GPR89A: variants seen among roughly 807,000 people sequenced by gnomAD.
GPR89A encodes golgi pH regulator A, also known as G protein-coupled receptor 89A.
In GPR89A, 16 loss-of-function variants were observed where a neutral mutation model predicts 52.0. The ratio of observed to expected loss-of-function variants is 0.31; its 90% CI spans 0.21 to 0.47. The LOEUF is 0.47. Among genes scored for constraint, GPR89A ranks in the 20% least tolerant of loss-of-function variants. The pLI, the probability that GPR89A is intolerant of heterozygous loss-of-function variation, is 1.00. For missense variants in GPR89A, 135 were observed against 449.4 expected (o/e 0.30, Z 6.33); for synonymous variants, 55 against 150.9 (o/e 0.36, Z 4.66).
chr1:145,664,419 C>T (rs782412663), intron 11 of GPR89A, among the ~76,000 whole-genome samples: 13 of 152,184 alleles, frequency 8.5e-5, no homozygotes, highest in Middle Eastern at 3.4e-3. Flanking sequence ...TTTGAGAGGT[C>T]GAGACAGATC....
At chr1:145,645,665 C>A in intron 8 of GPR89A, 1 of 453,712 alleles carries the variant, frequency 2.2e-6, no homozygotes, top group South Asian at 1.6e-5. Context: ...TCCTTATGTG[C>A]AAAATGGATA....
intron 7 of GPR89A, among the ~76,000 whole-genome samples, chr1:145,642,492 T>C (rs1395203213): frequency 6.6e-6 from 1 of 151,918 alleles, no homozygotes; most frequent in Non-Finnish European, 1.5e-5. Context: ...ATTCACTCAG[T>C]ATCCAGGCAA....
chr1:145,610,615 T>G (rs1648197295), intron 1 of GPR89A, among the ~76,000 whole-genome samples: 1 of 152,190 alleles, frequency 6.6e-6, no homozygotes, highest in Admixed American at 6.5e-5. Context: ...CTTCACCTAC[T>G]TCCCCTGTAA....
intron 10 of GPR89A, among the ~76,000 whole-genome samples, chr1:145,653,058 T>C (rs1553693864): frequency 6.8e-6 from 1 of 146,702 alleles, no homozygotes; most frequent in Non-Finnish European, 1.5e-5. Flanking sequence ...GTTCTTTTAG[T>C]TGTGATGTTA....
At chr1:145,649,146 T>C (rs372370844) in intron 10 of GPR89A, among the ~76,000 whole-genome samples, 1 of 152,070 alleles carries the variant, frequency 6.6e-6, no homozygotes, top group African/African-American at 2.4e-5. Context: ...ATAACTGATA[T>C]GTAAACCGAA....
intron 7 of GPR89A, among the ~76,000 whole-genome samples, chr1:145,632,357 C>T (rs1294277741): frequency 1.1e-4 from 17 of 151,840 alleles, no homozygotes; most frequent in Non-Finnish European, 2.5e-4. Flanking sequence ...CTTATTCCTC[C>T]TTGTCTAACT....
chr1:145,632,876 G>A (rs1238772007), intron 7 of GPR89A, among the ~76,000 whole-genome samples: 2 of 151,922 alleles, frequency 1.3e-5, no homozygotes, highest in Admixed American at 6.6e-5. Flanking sequence ...AATGTAATAG[G>A]GTTTCCTTTT....
At chr1:145,645,920 A>C (rs1165793580) in intron 8 of GPR89A, 1 of 573,582 alleles carries the variant, frequency 1.7e-6, no homozygotes, top group Non-Finnish European at 3.1e-6. Flanking sequence ...ATCAAAAAAC[A>C]AATGAAACCA....
intron 1 of GPR89A, among the ~76,000 whole-genome samples, chr1:145,611,091 T>G (rs1335931016): frequency 2.0e-5 from 3 of 152,162 alleles, no homozygotes; most frequent in African/African-American, 7.2e-5. Context: ...GCTTCTGCTT[T>G]CTTTTTGGAT....
In GPR89A at chr1:145,646,230, C is replaced by T. The variant is rs1422783974; in HGVS notation, c.774C>T (p.Ser258=). The change falls in exon 9 of 14, where the codon AGC becomes AGT. Residue 258 remains serine (S), a synonymous_variant. Transcript: ENST00000313835. Reference sequence around the variant, plus strand: ...AAGTGGATGCTTTGGAAGAATTAAGCAGGCAGCTTTTTCTGGAAACAGCTG... The same window carrying T: ...AAGTGGATGCTTTGGAAGAATTAAGTAGGCAGCTTTTTCTGGAAACAGCTG... The part of the protein sequence containing the change: ...QQEVDALEEL[S]RQLFLETADL... 7 of 1,612,416 alleles carry T rather than the reference C, an allele frequency of 4.3e-6. No homozygotes were observed. The African/African-American group carries it at 9.4e-5, about 22-fold the overall frequency.
intron 12 of GPR89A, among the ~76,000 whole-genome samples, chr1:145,667,620 G>A (rs1221277089): frequency 1.9e-4 from 29 of 151,902 alleles, no homozygotes; most frequent in Non-Finnish European, 2.6e-4. Context: ...CATTGCTTTC[G>A]GTGTTTTAGA....
At chr1:145,635,412 G>GA (rs1462473844) in intron 7 of GPR89A, among the ~76,000 whole-genome samples, 37 of 149,336 alleles carry the variant, frequency 2.5e-4, no homozygotes, top group Non-Finnish European at 2.4e-4. Flanking sequence ...TCTCAAAAAA[G>GA]AAAAAAAAAG....
At chr1:145,643,261 G>T (rs1650780620) in intron 7 of GPR89A, among the ~76,000 whole-genome samples, 1 of 151,632 alleles carries the variant, frequency 6.6e-6, no homozygotes, top group South Asian at 2.1e-4. Context: ...TGCCTCCTAG[G>T]TTCAAGCGAT....
intron 10 of GPR89A, among the ~76,000 whole-genome samples, chr1:145,650,476 T>A (rs1316552534): frequency 6.6e-6 from 1 of 151,972 alleles, no homozygotes; most frequent in Non-Finnish European, 1.5e-5. Context: ...AATGGAATGA[T>A]TTATATTCCT....
chr1:145,630,052 G>A (rs1235186627), intron 5 of GPR89A, among the ~76,000 whole-genome samples: 4 of 151,846 alleles, frequency 2.6e-5, no homozygotes, highest in African/African-American at 9.7e-5. Context: ...ACATCAACCA[G>A]CAGTATTTAT....
chr1:145,635,577 A>G (rs1342961319), intron 7 of GPR89A, among the ~76,000 whole-genome samples: 1 of 152,242 alleles, frequency 6.6e-6, no homozygotes, highest in Non-Finnish European at 1.5e-5. Context: ...TAAAAAGTAG[A>G]GCAAGATTAT....
intron 2 of GPR89A, among the ~76,000 whole-genome samples, chr1:145,617,696 G>T (rs1553687308): frequency 6.6e-6 from 1 of 151,860 alleles, no homozygotes; most frequent in Non-Finnish European, 1.5e-5. Context: ...TCCATTCGGG[G>T]TCCCTGACTT....
At chr1:145,654,812 G>T (rs1553694244) in intron 10 of GPR89A, among the ~76,000 whole-genome samples, 1 of 152,150 alleles carries the variant, frequency 6.6e-6, no homozygotes, top group African/African-American at 2.4e-5. Flanking sequence ...GGCCTGTCTT[G>T]CTAGGTTGGA....
chr1:145,666,565 A>T (rs78414103), intron 12 of GPR89A, among the ~76,000 whole-genome samples: 5,723 of 150,662 alleles, frequency 0.038, 339 homozygotes, highest in African/African-American at 0.13. Flanking sequence ...TTTTTTTTTT[A>T]AATTATACTT....
Sources: allele counts gnomAD v4.1 joint callset (sites outside exome capture counted in the v4.1 genomes callset), GRCh38; gene constraint gnomAD v4.1.1; transcripts MANE v1.5; gene names NCBI Gene and HGNC (gene_info 2026-07-23, HGNC 2026-07-21).